HCN1: variants seen among roughly 807,000 people sequenced by gnomAD.
HCN1 encodes potassium/sodium hyperpolarization-activated cyclic nucleotide-gated channel 1.
HCN1 carries 13 observed loss-of-function variants against 78.9 expected under a neutral mutation model. That is an observed-to-expected ratio of 0.16 (90% CI 0.11 to 0.26). The LOEUF (loss-of-function observed/expected upper bound fraction) is 0.26, where lower values mean the gene tolerates loss of function less well. HCN1 is among the 10% of genes least tolerant of loss of function. HCN1 has a pLI of 1.00. For missense variants in HCN1, 810 were observed against 1,154.3 expected (o/e 0.70, Z 4.32); for synonymous variants, 552 against 455.5 (o/e 1.21, Z -2.70).
intron 2 of HCN1, among the ~76,000 whole-genome samples, chr5:45,501,553 G>GC (rs1742186891): frequency 6.6e-6 from 1 of 151,918 alleles, no homozygotes; most frequent in South Asian, 2.1e-4. Flanking sequence ...TCCTACCTCA[G>GC]CCCCCTGAGT....
chr5:45,418,896 C>G (rs1039013398), intron 3 of HCN1, among the ~76,000 whole-genome samples: 9 of 151,956 alleles, frequency 5.9e-5, no homozygotes, highest in African/African-American at 2.2e-4. Flanking sequence ...ATAATCAGAT[C>G]CAGAAGTATC....
chr5:45,379,118 A>G (rs1255153164), intron 4 of HCN1, among the ~76,000 whole-genome samples: 2 of 152,116 alleles, frequency 1.3e-5, no homozygotes, highest in African/African-American at 4.8e-5. Context: ...ATGATTTATA[A>G]TCCTTTGGGT....
intron 2 of HCN1, among the ~76,000 whole-genome samples, chr5:45,481,061 A>AT (rs1412052605): frequency 6.6e-6 from 1 of 152,224 alleles, no homozygotes; most frequent in Non-Finnish European, 1.5e-5. Flanking sequence ...CACCATTGCT[A>AT]TACTGCCTTA....
chr5:45,328,243 A>G (rs148477430), intron 5 of HCN1, among the ~76,000 whole-genome samples: 1 of 151,450 alleles, frequency 6.6e-6, no homozygotes, highest in East Asian at 1.9e-4. Flanking sequence ...TTGCGGTGCC[A>G]CAGCAAAACT....
intron 5 of HCN1, among the ~76,000 whole-genome samples, chr5:45,308,545 A>C (rs1195501995): frequency 1.3e-5 from 2 of 152,102 alleles, no homozygotes; most frequent in African/African-American, 4.8e-5. Context: ...GTCTGGGGTT[A>C]AGCAGCAGGC....
At chr5:45,694,070 C>T (rs1739961436) in intron 1 of HCN1, among the ~76,000 whole-genome samples, 1 of 152,108 alleles carries the variant, frequency 6.6e-6, no homozygotes, top group Non-Finnish European at 1.5e-5. Flanking sequence ...AACATGACAA[C>T]CTTATACATC....
chr5:45,645,127 A>C (rs1206098712), intron 2 of HCN1, 58 bp downstream of exon 2: 13 of 1,295,388 alleles, frequency 1.0e-5, no homozygotes, highest in African/African-American at 1.5e-5. Context: ...TCATTGTAAA[A>C]CAGCCATAAT....
At chr5:45,287,672 T>C (rs1410075593) in intron 6 of HCN1, among the ~76,000 whole-genome samples, 1 of 152,040 alleles carries the variant, frequency 6.6e-6, no homozygotes, top group Non-Finnish European at 1.5e-5. Context: ...AAAGCTGTCA[T>C]GATTATTTAT....
intron 5 of HCN1, among the ~76,000 whole-genome samples, chr5:45,315,393 C>T (rs995865749): frequency 9.9e-5 from 15 of 152,014 alleles, no homozygotes; most frequent in Non-Finnish European, 1.5e-4. Flanking sequence ...CATGCCAAAA[C>T]CTCTGGGACA....
chr5:45,320,795 G>T (rs1245244465), intron 5 of HCN1, among the ~76,000 whole-genome samples: 2 of 151,834 alleles, frequency 1.3e-5, no homozygotes, highest in Non-Finnish European at 2.9e-5. Flanking sequence ...GCTATACATT[G>T]GCTTTTAAAA....
chr5:45,568,399 A>C (rs1249560084), intron 2 of HCN1, among the ~76,000 whole-genome samples: 2 of 152,060 alleles, frequency 1.3e-5, no homozygotes, highest in African/African-American at 4.8e-5. Flanking sequence ...TGTAAAGTGC[A>C]AAATTTGAAA....
intron 3 of HCN1, among the ~76,000 whole-genome samples, chr5:45,418,710 A>G (rs1740166631): frequency 6.6e-6 from 1 of 152,108 alleles, no homozygotes; most frequent in Non-Finnish European, 1.5e-5. Flanking sequence ...GTAAAATACA[A>G]TTATGAAAAT....
rs929254599 is a variant in HCN1, at chr5:45,313,149, G to A, written c.1378-9310C>T. ...GCAGACTGACACCTCACACGGCAGA[G>A]TACCCCTCTGAGATGAAGCTTCCAG... On this transcript the variant is annotated intron_variant, in intron 5 of 7. Coordinates refer to ENST00000303230, the MANE Select transcript of HCN1 (RefSeq NM_021072.4). Among the ~76,000 whole-genome samples, 4 of 152,158 alleles carry A rather than the reference G, an allele frequency of 2.6e-5. No homozygotes were observed. The East Asian group carries it at 5.8e-4, about 22-fold the overall frequency.
intron 3 of HCN1, among the ~76,000 whole-genome samples, chr5:45,426,544 T>C (rs1426788758): frequency 6.6e-6 from 1 of 152,216 alleles, no homozygotes; most frequent in Non-Finnish European, 1.5e-5. Flanking sequence ...CTGCACATAC[T>C]TTCTCTTGCC....
At chr5:45,561,709 T>C (rs1301794181) in intron 2 of HCN1, among the ~76,000 whole-genome samples, 1 of 152,038 alleles carries the variant, frequency 6.6e-6, no homozygotes, top group Non-Finnish European at 1.5e-5. Flanking sequence ...GTCACTGAAA[T>C]GATCAATAAT....
At chr5:45,486,445 T>A (rs1371505518) in intron 2 of HCN1, among the ~76,000 whole-genome samples, 1 of 152,112 alleles carries the variant, frequency 6.6e-6, no homozygotes, top group African/African-American at 2.4e-5. Context: ...GAACTACTAT[T>A]CTCCTACTAA....
intron 2 of HCN1, among the ~76,000 whole-genome samples, chr5:45,471,684 C>A (rs1199323380): frequency 6.6e-6 from 1 of 151,922 alleles, no homozygotes; most frequent in Non-Finnish European, 1.5e-5. Context: ...TTTCTTCAAT[C>A]ATTTGAATTG....
chr5:45,496,370 T>C (rs1371470699), intron 2 of HCN1, among the ~76,000 whole-genome samples: 1 of 151,786 alleles, frequency 6.6e-6, no homozygotes, highest in Non-Finnish European at 1.5e-5. Flanking sequence ...TTCTTCTAGA[T>C]TTTCTAGTTT....
At chr5:45,623,496 C>T (rs1432253513) in intron 2 of HCN1, among the ~76,000 whole-genome samples, 2 of 152,178 alleles carry the variant, frequency 1.3e-5, no homozygotes, top group African/African-American at 4.8e-5. Context: ...TCAAGTACTA[C>T]AATAATAGTA....
Sources: allele counts gnomAD v4.1 joint callset (sites outside exome capture counted in the v4.1 genomes callset), GRCh38; gene constraint gnomAD v4.1.1; transcripts MANE v1.5; gene names NCBI Gene and HGNC (gene_info 2026-07-23, HGNC 2026-07-21).